Variants in TEX9 observed in about 807,000 individuals in gnomAD.
The protein encoded by TEX9 is testis expressed 9.
TEX9 carries 74 observed loss-of-function variants against 59.6 expected under a neutral mutation model. That is an observed-to-expected ratio of 1.24 (90% CI 1.03 to 1.51). The LOEUF is 1.51. Ranked by LOEUF, TEX9 falls within the 40% of genes most tolerant of loss-of-function variation. TEX9 has a pLI of 0.00. For missense variants in TEX9, 522 were observed against 447.8 expected, an observed-to-expected ratio of 1.17 and a Z score of -1.49; for synonymous variants, 186 against 152.2, an observed-to-expected ratio of 1.22 and a Z score of -1.64.
chr15:56,356,028 T>G lies in TEX9; in HGVS notation c.-106-17413T>G, dbSNP rs190670833. ...AACTTTGCTAAACTCGCCAACTACT[T>G]TCATGAATTTTTTGTAGTCTGGTAT... On this transcript the variant is annotated intron_variant, in intron 1 of 5. Transcript: ENST00000560827. Among the ~76,000 whole-genome samples the G allele has an allele frequency of 6.8e-3, 1,030 of 152,170 alleles. 4 individuals carry two copies. Among genetic ancestry groups the G allele is most frequent in the Non-Finnish European group, 9.3e-3 (630 of 67,948 alleles).
chr15:56,295,600 A>G (rs1348598423), intron 1 of TEX9, among the ~76,000 whole-genome samples: 1 of 152,132 alleles, frequency 6.6e-6, no homozygotes, highest in Non-Finnish European at 1.5e-5. Context: ...TGACCATCTC[A>G]TAGCTATTGC....
chr15:56,377,969 G>A (rs2047536364), intron 3 of TEX9, among the ~76,000 whole-genome samples: 1 of 152,108 alleles, frequency 6.6e-6, no homozygotes, highest in South Asian at 2.1e-4. Flanking sequence ...AGGATCAGTT[G>A]AAATGATCAT....
intron 9 of TEX9, among the ~76,000 whole-genome samples, chr15:56,400,282 G>A (rs2048703987): frequency 6.6e-6 from 1 of 152,156 alleles, no homozygotes; most frequent in Non-Finnish European, 1.5e-5. Flanking sequence ...GTGTAGAGAA[G>A]ACCTTAAATG....
chr15:56,270,585 C>G lies in TEX9; in HGVS notation c.-107+26307C>G, dbSNP rs141295913. On this transcript the variant is annotated intron_variant, in intron 1 of 5. Transcript: ENST00000560827. ...ACACTGATGGGTCTTGACTCTTTATCCAATTTGCCAGTCTGTGTCTTTTAA... is the reference window on the plus strand; with the variant it reads ...ACACTGATGGGTCTTGACTCTTTATGCAATTTGCCAGTCTGTGTCTTTTAA... 2.6e-5 allele frequency among the ~76,000 whole-genome samples: 4 copies of G among 152,280 alleles called. No individual in the cohort carries two copies. The East Asian group carries it at 7.7e-4, about 29-fold the overall frequency.
At chr15:56,434,521 G>C in intron 12 of TEX9, 1 of 1,008,042 alleles carries the variant, frequency 9.9e-7, no homozygotes, top group Non-Finnish European at 1.4e-6. Context: ...AAAAAGTAAG[G>C]CTTTTCATGA....
chr15:56,426,922 C>T (rs1213633579), intron 10 of TEX9, among the ~76,000 whole-genome samples: 1 of 151,932 alleles, frequency 6.6e-6, no homozygotes, highest in Non-Finnish European at 1.5e-5. Context: ...GGTAAATTCT[C>T]TGCTTAGCTA....
At chr15:56,383,783 A>G (rs1439392332) in intron 3 of TEX9, among the ~76,000 whole-genome samples, 169 bp from the exon 4 acceptor site, 1 of 152,212 alleles carries the variant, frequency 6.6e-6, no homozygotes, top group African/African-American at 2.4e-5. Flanking sequence ...AGGTGCAACT[A>G]GTGTTATAGA....
chr15:56,377,283 T>A (rs1266894917), intron 3 of TEX9, among the ~76,000 whole-genome samples: 1 of 152,216 alleles, frequency 6.6e-6, no homozygotes, highest in East Asian at 1.9e-4. Flanking sequence ...TTTTTCTATT[T>A]CTGTGAAAAT....
chr15:56,355,401 C>A (rs1222486785), intron 1 of TEX9, among the ~76,000 whole-genome samples: 1 of 152,078 alleles, frequency 6.6e-6, no homozygotes, highest in Non-Finnish European at 1.5e-5. Flanking sequence ...TGTTAAAAAA[C>A]TATCCTTTCT....
intron 2 of TEX9, among the ~76,000 whole-genome samples, chr15:56,367,874 T>TA (rs1327214467): frequency 6.6e-6 from 1 of 152,200 alleles, no homozygotes; most frequent in Non-Finnish European, 1.5e-5. Context: ...TCTGCGTTTA[T>TA]ATACACACAG....
intron 1 of TEX9, among the ~76,000 whole-genome samples, chr15:56,332,566 A>C (rs2713916): frequency 6.6e-6 from 1 of 150,708 alleles, no homozygotes; most frequent in African/African-American, 2.4e-5. Context: ...TCATGTATAC[A>C]TATGTAACTA....
chr15:56,436,182 C>T (rs368848740), intron 12 of TEX9, among the ~76,000 whole-genome samples: 1 of 152,104 alleles, frequency 6.6e-6, no homozygotes, highest in East Asian at 1.9e-4. Context: ...CGCACTTATT[C>T]CAAAGTTGAC....
chr15:56,450,065 T>C (rs1432652637), downstream of TEX9, among the ~76,000 whole-genome samples: 1 of 152,204 alleles, frequency 6.6e-6, no homozygotes, highest in South Asian at 2.1e-4. Context: ...ATCTTTATTA[T>C]TGCCTTCCTC....
chr15:56,402,734 A>G (rs1379391308), intron 9 of TEX9, among the ~76,000 whole-genome samples: 4 of 152,222 alleles, frequency 2.6e-5, no homozygotes, highest in African/African-American at 9.6e-5. Context: ...AAAATCCTCA[A>G]TAAAATACTG....
chr15:56,288,260 T>G (rs1168401561), intron 1 of TEX9, among the ~76,000 whole-genome samples: 2 of 151,674 alleles, frequency 1.3e-5, no homozygotes, highest in Non-Finnish European at 1.5e-5. Flanking sequence ...TTAATTTGCA[T>G]TTCTTTGGTG....
intron 1 of TEX9, among the ~76,000 whole-genome samples, chr15:56,266,500 C>G (rs536147270): frequency 6.7e-6 from 1 of 148,854 alleles, no homozygotes; most frequent in African/African-American, 2.5e-5. Flanking sequence ...TGACAGGCCC[C>G]GGTGTGTGAT....
rs137940183 is a variant in TEX9, at chr15:56,254,471, A to G, written c.-107+10193A>G. 9.9e-5 allele frequency among the ~76,000 whole-genome samples: 15 copies of G among 151,848 alleles called. No individual in the cohort carries two copies. In the East Asian group the frequency reaches 2.5e-3, roughly 26 times the overall value. ...CTGTGGATTCTGAGAGCCAACAGACAGAAGAGTAGCAGTGGACCCCAGGAG... is the reference window on the plus strand; with the variant it reads ...CTGTGGATTCTGAGAGCCAACAGACGGAAGAGTAGCAGTGGACCCCAGGAG... On this transcript the variant is annotated intron_variant, in intron 1 of 5. Coordinates refer to the TEX9 transcript ENST00000560827.
At chr15:56,383,310 CCTT>C (rs1178127459) in intron 3 of TEX9, among the ~76,000 whole-genome samples, 4 of 152,198 alleles carry the variant, frequency 2.6e-5, no homozygotes, top group Non-Finnish European at 5.9e-5. Flanking sequence ...GTCTCTCCAA[CCTT>C]CTTCAATGCC....
At chr15:56,375,632 G>T (rs1227650016) in intron 3 of TEX9, among the ~76,000 whole-genome samples, 1 of 151,984 alleles carries the variant, frequency 6.6e-6, no homozygotes, top group Non-Finnish European at 1.5e-5. Flanking sequence ...TTTCTTCTAG[G>T]GTTTTTATGG....
Sources: allele counts gnomAD v4.1 joint callset (sites outside exome capture counted in the v4.1 genomes callset), GRCh38; gene constraint gnomAD v4.1.1; transcripts MANE v1.5; gene names NCBI Gene and HGNC (gene_info 2026-07-23, HGNC 2026-07-21).